SLC9A2: variants seen among roughly 807,000 people sequenced by gnomAD.
SLC9A2 encodes sodium/hydrogen exchanger 2.
In SLC9A2, 42 loss-of-function variants were observed where a neutral mutation model predicts 71.7. That is an observed-to-expected ratio of 0.59 (90% CI 0.46 to 0.76). The LOEUF (loss-of-function observed/expected upper bound fraction) is 0.76. SLC9A2 is among the 30% of genes least tolerant of loss of function. SLC9A2 has a pLI of 0.00. For synonymous variants in SLC9A2, 396 were observed against 392.5 expected, an observed-to-expected ratio of 1.01 and a Z score of -0.10; for missense variants, 829 against 1,017.4, an observed-to-expected ratio of 0.81 and a Z score of 2.52.
chr2:102,628,134 G>A lies in SLC9A2; in HGVS notation c.289+7997G>A, dbSNP rs528889882. ...CTTAAGACTCTGTCACAAACTAAAC[G>A]TATTCATAATACTCAAAGTTTATGT... On this transcript the variant is annotated intron_variant, in intron 1 of 11. Transcript: ENST00000233969. 1.8e-4 allele frequency among the ~76,000 whole-genome samples: 28 copies of A among 151,938 alleles called. 1 individual carries two copies. In the South Asian group the frequency reaches 2.5e-3, roughly 14 times the overall value.
Position 102,684,356 on chromosome 2 carries a change from T to C in SLC9A2, c.1425+20T>C, listed in dbSNP as rs115397189. 3,598 of 1,597,624 alleles carry C rather than the reference T, an allele frequency of 2.3e-3. 82 individuals are homozygous for C. In the African/African-American group the frequency reaches 0.043, roughly 19 times the overall value. The stretch of plus-strand genomic sequence containing the variant: ...ATTCTGGTAAGTAGAGTGATCCCTT[T>C]ACCAGGAGGGTAAAAAATATCGTTC... On this transcript the variant is annotated intron_variant, in intron 5 of 11. Transcript: ENST00000233969.
intron 1 of SLC9A2, among the ~76,000 whole-genome samples, chr2:102,632,713 T>C (rs897581492): frequency 1.3e-5 from 2 of 152,134 alleles, no homozygotes. Flanking sequence ...TTATGGTTTG[T>C]GTTGGCATAC....
chr2:102,621,168 C>T (rs1220887360), intron 1 of SLC9A2, among the ~76,000 whole-genome samples: 17 of 151,284 alleles, frequency 1.1e-4, no homozygotes. Flanking sequence ...ATTAATCAAT[C>T]AATTAATTAA....
At chr2:102,651,157 C>G (rs1266574527) in intron 1 of SLC9A2, among the ~76,000 whole-genome samples, 1 of 152,152 alleles carries the variant, frequency 6.6e-6, no homozygotes, top group Non-Finnish European at 1.5e-5. Flanking sequence ...CTCACCACCA[C>G]TTTAATGGTT....
chr2:102,639,111 G>A (rs554351754), intron 1 of SLC9A2, among the ~76,000 whole-genome samples: 1 of 152,192 alleles, frequency 6.6e-6, no homozygotes, highest in African/African-American at 2.4e-5. Context: ...TTGAGCCTAG[G>A]AGCTGGAGGC....
intron 1 of SLC9A2, among the ~76,000 whole-genome samples, chr2:102,636,852 A>G (rs1014236417): frequency 1.3e-5 from 2 of 152,148 alleles, no homozygotes; most frequent in Non-Finnish European, 2.9e-5. Flanking sequence ...GTTCAGAAAT[A>G]GTCACTAGAA....
intron 7 of SLC9A2, among the ~76,000 whole-genome samples, chr2:102,696,565 C>A (rs998977857): frequency 1.2e-4 from 18 of 152,124 alleles, no homozygotes; most frequent in Non-Finnish European, 2.2e-4. Context: ...ATCACAGACA[C>A]AACAAAACCG....
chr2:102,662,250 T>C (rs1263733352), intron 2 of SLC9A2, among the ~76,000 whole-genome samples: 1 of 152,190 alleles, frequency 6.6e-6, no homozygotes, highest in Non-Finnish European at 1.5e-5. Context: ...ATTTGATGCA[T>C]TAAGTTGCCA....
chr2:102,648,142 C>T (rs1676762641), intron 1 of SLC9A2, among the ~76,000 whole-genome samples: 2 of 152,130 alleles, frequency 1.3e-5, no homozygotes, highest in Admixed American at 1.3e-4. Flanking sequence ...AGCTTATCCA[C>T]CACAATCAAG....
intron 10 of SLC9A2, 62 bp downstream of exon 10, chr2:102,704,737 C>G (rs1367305512): frequency 3.2e-6 from 5 of 1,542,032 alleles, no homozygotes; most frequent in Non-Finnish European, 3.6e-6. Flanking sequence ...TTCCATTGAT[C>G]AGCTGATGGT....
rs966706300 is a variant in SLC9A2, at chr2:102,661,499, A to T, written c.753+3472A>T. Among the ~76,000 whole-genome samples the T allele has an allele frequency of 2.0e-5, 3 of 152,196 alleles. No individual in the cohort carries two copies. In the South Asian group the frequency reaches 6.2e-4, roughly 32 times the overall value. On this transcript the variant is annotated intron_variant, in intron 2 of 11. Transcript: ENST00000233969. ...AAAATGATTATCCTGTATGTTTCAT[A>T]CAGGAAGAAATTACCTGAACATTTT...
At chr2:102,646,978 A>T (rs952924230) in intron 1 of SLC9A2, among the ~76,000 whole-genome samples, 4 of 152,018 alleles carry the variant, frequency 2.6e-5, no homozygotes, top group Non-Finnish European at 4.4e-5. Flanking sequence ...ATAGATATGG[A>T]ACTCTCCACC....
Position 102,642,042 on chromosome 2 carries a change from T to TATAATA in SLC9A2, c.290-15502_290-15497dup, listed in dbSNP as rs10682813. On this transcript the variant is annotated intron_variant, in intron 1 of 11. Coordinates refer to ENST00000233969, the MANE Select transcript of SLC9A2 (RefSeq NM_003048.6). ...TGCACAAGTACCCTAGAACTTAAAA[T>TATAATA]ATAATAATAATAATAATAATAATAA... 7.2e-3 allele frequency among the ~76,000 whole-genome samples: 1,076 copies of TATAATA among 149,750 alleles called. 12 individuals carry two copies. Among genetic ancestry groups the TATAATA allele is most frequent in the Admixed American group, 0.032 (477 of 14,968 alleles).
chr2:102,687,143 A>C (rs1314392516), intron 5 of SLC9A2, among the ~76,000 whole-genome samples: 1 of 152,064 alleles, frequency 6.6e-6, no homozygotes, highest in East Asian at 1.9e-4. Context: ...ACTTGTGTTG[A>C]TATCTTCTTT....
intron 7 of SLC9A2, among the ~76,000 whole-genome samples, chr2:102,695,802 A>AT (rs1215547565): frequency 1.6e-4 from 7 of 44,196 alleles, no homozygotes; most frequent in African/African-American, 4.3e-4. Flanking sequence ...TATATATATT[A>AT]TATATATATA....
intron 1 of SLC9A2, among the ~76,000 whole-genome samples, chr2:102,644,172 C>T (rs1676669142): frequency 6.6e-6 from 1 of 151,868 alleles, no homozygotes; most frequent in South Asian, 2.1e-4. Context: ...GGGTGCAGCC[C>T]ATGGAAGGCA....
rs748148890 is a variant in SLC9A2 at position 102,684,365 on chromosome 2, G to C, written c.1425+29G>C. On this transcript the variant is annotated intron_variant, in intron 5 of 11. Transcript: ENST00000233969. ...AGTAGAGTGATCCCTTTACCAGGAGGGTAAAAAATATCGTTCAGAATATTG... is the reference window on the plus strand; with the variant it reads ...AGTAGAGTGATCCCTTTACCAGGAGCGTAAAAAATATCGTTCAGAATATTG... 1.1e-5 allele frequency: 18 copies of C among 1,588,494 alleles called. No homozygotes were observed. In the South Asian group the frequency reaches 1.8e-4, roughly 16 times the overall value.
At chr2:102,630,169 C>T (rs1676329854) in intron 1 of SLC9A2, among the ~76,000 whole-genome samples, 1 of 152,052 alleles carries the variant, frequency 6.6e-6, no homozygotes, top group Non-Finnish European at 1.5e-5. Flanking sequence ...GATCTGTAAA[C>T]ATATTTTCCA....
At chr2:102,654,019 G>A (rs1462075740) in intron 1 of SLC9A2, among the ~76,000 whole-genome samples, 1 of 152,104 alleles carries the variant, frequency 6.6e-6, no homozygotes, top group Admixed American at 6.6e-5. Flanking sequence ...GGCATGTTAG[G>A]AACCTTTCCA....
Sources: allele counts gnomAD v4.1 joint callset (sites outside exome capture counted in the v4.1 genomes callset), GRCh38; gene constraint gnomAD v4.1.1; transcripts MANE v1.5; gene names NCBI Gene and HGNC (gene_info 2026-07-23, HGNC 2026-07-21).